Variants in PRKG1 observed in about 807,000 individuals in gnomAD.
PRKG1 encodes the protein protein kinase cGMP-dependent 1.
A neutral mutation model predicts 88.1 loss-of-function variants in PRKG1; 35 were observed. The observed-to-expected ratio is 0.40, with a 90% CI of 0.30 to 0.53. The LOEUF (loss-of-function observed/expected upper bound fraction) is 0.53, where lower values mean the gene tolerates loss of function less well. Ranked by LOEUF, PRKG1 falls within the 20% of genes least tolerant of loss-of-function variation. The pLI, the probability that PRKG1 is intolerant of heterozygous loss-of-function variation, is 0.59. For synonymous variants in PRKG1, 303 were observed against 292.5 expected (o/e 1.04, Z -0.37); for missense variants, 540 against 839.8 (o/e 0.64, Z 4.41).
chr10:51,467,592 C>T (rs566876104), intron 2 of PRKG1, 131 bp from the exon 3 acceptor site: 2 of 622,164 alleles, frequency 3.2e-6, no homozygotes, highest in East Asian at 2.8e-5. Context: ...TGCGCTGCCT[C>T]GTGGTGACTT....
intron 5 of PRKG1, among the ~76,000 whole-genome samples, chr10:51,997,469 CAAAAA>C (rs200543963): frequency 1.4e-5 from 1 of 71,634 alleles, no homozygotes. Context: ...GACTCTGTCT[CAAAAA>C]AAAAAAAAAA....
At chr10:52,167,649 C>T (rs1162924456) in intron 9 of PRKG1, among the ~76,000 whole-genome samples, 2 of 147,570 alleles carry the variant, frequency 1.4e-5, no homozygotes, top group East Asian at 2.0e-4. Context: ...AAGCACCAAA[C>T]AACAAAAACA....
chr10:51,888,863 T>A (rs1841640431), intron 4 of PRKG1, among the ~76,000 whole-genome samples: 1 of 152,170 alleles, frequency 6.6e-6, no homozygotes, highest in Non-Finnish European at 1.5e-5. Flanking sequence ...TCATATACAA[T>A]TATATGATTA....
At chr10:52,108,036 C>T (rs867839158) in intron 7 of PRKG1, among the ~76,000 whole-genome samples, 3 of 152,126 alleles carry the variant, frequency 2.0e-5, no homozygotes, top group African/African-American at 7.2e-5. Context: ...CACACGCATG[C>T]ACATATATAG....
chr10:51,917,290 G>A (rs1842363016), intron 5 of PRKG1, among the ~76,000 whole-genome samples: 2 of 145,032 alleles, frequency 1.4e-5, no homozygotes, highest in Admixed American at 1.4e-4. Context: ...CTGCACTCCA[G>A]CCTGAGCAAC....
chr10:51,267,886 T>C (rs1309216291), intron 2 of PRKG1, among the ~76,000 whole-genome samples: 1 of 152,182 alleles, frequency 6.6e-6, no homozygotes, highest in African/African-American at 2.4e-5. Flanking sequence ...TTGCAAACTA[T>C]GCATCTGACA....
chr10:52,121,658 A>G (rs1847821893), intron 7 of PRKG1, among the ~76,000 whole-genome samples: 2 of 152,196 alleles, frequency 1.3e-5, no homozygotes, highest in African/African-American at 4.8e-5. Flanking sequence ...TTGCCACTTT[A>G]TAATAAAGCT....
chr10:51,309,447 A>T (rs1841124409), intron 2 of PRKG1, among the ~76,000 whole-genome samples: 1 of 152,174 alleles, frequency 6.6e-6, no homozygotes, highest in Non-Finnish European at 1.5e-5. Context: ...ATGAATATGT[A>T]TTTTTCAAAA....
chr10:51,592,741 T>C (rs1001788226), intron 3 of PRKG1, among the ~76,000 whole-genome samples: 2 of 152,212 alleles, frequency 1.3e-5, no homozygotes, highest in African/African-American at 4.8e-5. Context: ...ACCATTGTTT[T>C]AATTATGAAA....
intron 2 of PRKG1, among the ~76,000 whole-genome samples, chr10:51,347,903 T>C (rs1449315714): frequency 9.8e-6 from 1 of 101,536 alleles, no homozygotes; most frequent in Non-Finnish European, 2.2e-5. Flanking sequence ...CTACTAAAAA[T>C]ACAAAAAAAA....
intron 4 of PRKG1, among the ~76,000 whole-genome samples, chr10:51,824,755 G>A (rs2132736926): frequency 6.6e-6 from 1 of 152,140 alleles, no homozygotes; most frequent in African/African-American, 2.4e-5. Flanking sequence ...GGAGGTGCCA[G>A]GCTCCTTTGA....
At chr10:52,171,544 C>T (rs1481308443) in intron 9 of PRKG1, among the ~76,000 whole-genome samples, 1 of 152,072 alleles carries the variant, frequency 6.6e-6, no homozygotes, top group Non-Finnish European at 1.5e-5. Flanking sequence ...TTCAGTCTTT[C>T]AAGAGCTGTT....
intron 1 of PRKG1, among the ~76,000 whole-genome samples, chr10:51,021,836 A>G (rs1347836775): frequency 6.6e-6 from 1 of 151,762 alleles, no homozygotes; most frequent in African/African-American, 2.4e-5. Context: ...GCCTGCCACC[A>G]CACCTGGCTA....
intron 4 of PRKG1, among the ~76,000 whole-genome samples, chr10:51,900,896 C>T (rs1841965019): frequency 6.6e-6 from 1 of 152,004 alleles, no homozygotes; most frequent in Non-Finnish European, 1.5e-5. Flanking sequence ...TTTTGTCACA[C>T]ACACAATATC....
At chr10:51,698,589 G>C (rs761016675) in intron 3 of PRKG1, 3 of 1,613,842 alleles carry the variant, frequency 1.9e-6, no homozygotes, top group Non-Finnish European at 2.5e-6. Context: ...AGACCACCAG[G>C]AGTCACGGGT....
chr10:51,167,002 C>G, intron 2 of PRKG1, among the ~76,000 whole-genome samples: 1 of 152,120 alleles, frequency 6.6e-6, no homozygotes, highest in East Asian at 1.9e-4. Flanking sequence ...GAAACACCTA[C>G]TCAGTGATGA....
chr10:51,517,057 T>C (rs950584889), intron 3 of PRKG1, among the ~76,000 whole-genome samples: 2 of 152,198 alleles, frequency 1.3e-5, no homozygotes, highest in South Asian at 4.1e-4. Context: ...TCCTAGGTTC[T>C]ACAGCTAAAG....
intron 3 of PRKG1, among the ~76,000 whole-genome samples, chr10:51,630,999 T>C (rs922461625): frequency 6.6e-5 from 10 of 152,198 alleles, no homozygotes; most frequent in African/African-American, 2.4e-4. Flanking sequence ...TTCAGCATGC[T>C]TGGTCTCCAT....
intron 2 of PRKG1, among the ~76,000 whole-genome samples, chr10:51,173,915 C>G (rs2132013350): frequency 6.6e-6 from 1 of 151,876 alleles, no homozygotes; most frequent in East Asian, 1.9e-4. Flanking sequence ...CAACCTAAAA[C>G]TCTATTTTTA....
Sources: allele counts gnomAD v4.1 joint callset (sites outside exome capture counted in the v4.1 genomes callset), GRCh38; gene constraint gnomAD v4.1.1; transcripts MANE v1.5; gene names NCBI Gene and HGNC (gene_info 2026-07-23, HGNC 2026-07-21).